Variants in ZDHHC16 observed in about 807,000 individuals in gnomAD.
The protein encoded by ZDHHC16 is palmitoyltransferase ZDHHC16.
In ZDHHC16, 33 loss-of-function variants were observed where a neutral mutation model predicts 54.4. The ratio of observed to expected loss-of-function variants is 0.61; its 90% confidence interval spans 0.46 to 0.81. The LOEUF (loss-of-function observed/expected upper bound fraction) is 0.81. Among genes scored for constraint, ZDHHC16 ranks in the 30% least tolerant of loss-of-function variants. The probability of loss-of-function intolerance (pLI) is 0.00; values close to 1 mark genes in which losing one functional copy is unlikely to be tolerated. For missense variants in ZDHHC16, 420 were observed against 485.9 expected (o/e 0.86, Z 1.28); for synonymous variants, 185 against 182.1 (o/e 1.02, Z -0.13).
chr10:97,451,595 G>A lies in ZDHHC16; in HGVS notation c.-5-76G>A. ...TCTTAGGTCTTTGCCCTCCAAGTGA[G>A]TACTCTAGGCCTTCCCACTAGCGGG... is the stretch of plus-strand genomic sequence containing the variant. On this transcript the variant is annotated intron_variant, in intron 2 of 11. Transcript: ENST00000393760. 3.9e-6 allele frequency: 6 copies of A among 1,525,416 alleles called. No homozygotes were observed. In the South Asian group the frequency reaches 3.9e-5, roughly 10 times the overall value. The allele number at this position is 1,525,416 out of a possible 1,614,324, so 94.5% of individuals were successfully genotyped here. A position where few individuals can be genotyped will look rare whatever the true frequency, so the allele number is the denominator to read the frequency against.
chr10:97,449,919 C>T lies in ZDHHC16; in HGVS notation c.-185-438C>T, dbSNP rs1316076113. 1.1e-4 allele frequency among the ~76,000 whole-genome samples: 14 copies of T among 124,922 alleles called. No individual in the cohort carries two copies. The East Asian group carries it at 1.1e-3, about 10-fold the overall frequency. The allele number at this position is 124,922 out of a possible 152,430, so 82.0% of individuals were successfully genotyped here. A position where few individuals can be genotyped will look rare whatever the true frequency, so the allele number is the denominator to read the frequency against. ...TCGCTCTGTCGCCCAGGCCGGACTG[C>T]GGACTGCAGTGGCGCAATCTCGGCT... On this transcript the variant is annotated intron_variant, in intron 1 of 11. Coordinates refer to ENST00000393760, the MANE Select transcript of ZDHHC16 (RefSeq NM_198046.3).
At chr10:97,455,122 G>C (rs1019172081) in intron 9 of ZDHHC16, among the ~76,000 whole-genome samples, 17 of 152,288 alleles carry the variant, frequency 1.1e-4, no homozygotes, top group Admixed American at 2.6e-4. Context: ...GGGGGCCAAG[G>C]GGCAGTGAAG....
intron 11 of ZDHHC16, chr10:97,456,550 C>T: frequency 2.4e-6 from 1 of 423,482 alleles, no homozygotes; most frequent in Non-Finnish European, 4.3e-6. Flanking sequence ...TATCACTGTG[C>T]TTACAGTGGA....
chr10:97,446,205 G>T lies in ZDHHC16; in HGVS notation c.-334G>T, dbSNP rs1845998421. The T allele has an allele frequency of 1.5e-6, 1 of 664,668 alleles. No individual in the cohort carries two copies. The highest frequency in any genetic ancestry group is 2.8e-5 in the East Asian group (1 of 36,266). The allele number at this position is 664,668 out of a possible 1,614,324, so 41.2% of individuals were successfully genotyped here. A position where few individuals can be genotyped will look rare whatever the true frequency, so the allele number is the denominator to read the frequency against. ...TGAGGATGGGCTGGCGGCGGGTCCG[G>T]GTCCGCTGCCTGGCGCTGCGGGCGG... On this transcript the variant is annotated 5_prime_UTR_variant, in exon 1 of 12. Coordinates refer to ENST00000393760, the MANE Select transcript of ZDHHC16 (RefSeq NM_198046.3).
intron 6 of ZDHHC16, 129 bp downstream of exon 6, chr10:97,453,052 T>C: frequency 1.7e-6 from 2 of 1,206,024 alleles, no homozygotes; most frequent in Non-Finnish European, 2.4e-6. Context: ...GGCCTGACCA[T>C]CTCCTGGGAG....
In ZDHHC16 at chr10:97,453,596, CTCTGGGCTGTG is replaced by C; in HGVS notation, c.627_637del (p.Gly210LeufsTer17). The C allele has an allele frequency of 6.2e-7, 1 of 1,614,208 alleles. No individual in the cohort carries two copies. The highest frequency in any genetic ancestry group is 8.5e-7 in the Non-Finnish European group (1 of 1,180,052). ...TTCTTCTCTTTCTGCTTTTTCATGA[CTCTGGGCTGTG>C]TCTACTGCAGCTATGGAAGTTGGGA... On this transcript the variant is annotated frameshift_variant, in exon 7 of 12. Coordinates refer to ENST00000393760, the MANE Select transcript of ZDHHC16 (RefSeq NM_198046.3). LOFTEE classifies it high-confidence loss of function.
rs753704234 is a variant in ZDHHC16 at position 97,456,048 on chromosome 10, A to AT, written c.1019+5dup. ...TCCTGGGTGTGGATACAGGAAGGTA[A>AT]TGTAAGACACACAGACTAATGCTGT... On this transcript the variant is annotated splice_donor_region_variant and intron_variant, in intron 11 of 11. Transcript: ENST00000393760. 3 of 1,613,916 alleles carry AT rather than the reference A, an allele frequency of 1.9e-6. No homozygotes were observed. In the African/African-American group the frequency reaches 4.0e-5, roughly 22 times the overall value.
chr10:97,446,901 T>C (rs1000058773), intron 1 of ZDHHC16, among the ~76,000 whole-genome samples: 4 of 152,218 alleles, frequency 2.6e-5, no homozygotes, highest in South Asian at 4.1e-4. Context: ...GTAGTTTTAG[T>C]AGTGACGGGG....
At chr10:97,448,895 G>T (rs569216310) in intron 1 of ZDHHC16, among the ~76,000 whole-genome samples, 17 of 152,290 alleles carry the variant, frequency 1.1e-4, no homozygotes, top group Non-Finnish European at 1.9e-4. Flanking sequence ...TATCAGATTT[G>T]AGCATCCATG....
Position 97,452,215 on chromosome 10 carries a change from C to T in ZDHHC16, c.369C>T (p.His123=). The change falls in exon 4 of 12, where the codon CAC becomes CAT. Residue 123 remains histidine (H), a synonymous_variant. Transcript: ENST00000393760. ...PRLCWHFFYS[H]WNLILIVFHY... is the part of the protein sequence containing the mutation. Reference sequence around the variant, plus strand: ...TCTGCTGGCATTTCTTCTATAGCCACTGGAATCTGATCCTGATTGTCTTCC... The same window carrying T: ...TCTGCTGGCATTTCTTCTATAGCCATTGGAATCTGATCCTGATTGTCTTCC... 1.2e-6 allele frequency: 2 copies of T among 1,614,172 alleles called. No homozygotes were observed. Among genetic ancestry groups the T allele is most frequent in the Non-Finnish European group, 1.7e-6 (2 of 1,180,034 alleles).
intron 5 of ZDHHC16, 126 bp from the exon 6 acceptor site, chr10:97,452,769 C>A: frequency 7.6e-7 from 1 of 1,312,846 alleles, no homozygotes; most frequent in Non-Finnish European, 1.1e-6. Flanking sequence ...TGAAGCAAGG[C>A]CTGGCTGTCT....
chr10:97,452,973 A>G, intron 6 of ZDHHC16, 50 bp downstream of exon 6: 1 of 1,612,980 alleles, frequency 6.2e-7, no homozygotes, highest in Non-Finnish European at 8.5e-7. Flanking sequence ...GCTCCAGAGC[A>G]CTGTACAGGG....
rs144980955 is a variant in ZDHHC16 at position 97,456,866 on chromosome 10, A to G, written c.1109A>G (p.His370Arg). The G allele has an allele frequency of 2.5e-6, 4 of 1,612,474 alleles. No homozygotes were observed. Among genetic ancestry groups the G allele is most frequent in the Non-Finnish European group, 3.4e-6 (4 of 1,179,372 alleles). ...SWEPPPWVTA[H>R]SASVMAV ...GAGCCCCCTCCCTGGGTGACTGCTC[A>G]CTCAGCCTCTGTGATGGCAGTGTGA... Residue 370 changes from histidine (H) to arginine (R), a missense_variant, in exon 12 of 12, where the codon CAC becomes CGC. Transcript: ENST00000393760.
Position 97,452,814 on chromosome 10 carries a change from C to T in ZDHHC16, c.528-81C>T. ...GTGCCCTTTCCACCTCAGCAGGATG[C>T]TGGTCCTTGTAGGGAAGGATTGGCA... On this transcript the variant is annotated intron_variant, in intron 5 of 11. Transcript: ENST00000393760. 1.9e-6 allele frequency: 3 copies of T among 1,587,890 alleles called. No homozygotes were observed. The East Asian group carries it at 6.7e-5, about 36-fold the overall frequency.
rs35173837 is a variant in ZDHHC16 at position 97,449,861 on chromosome 10, C to CTTTTT, written c.-185-479_-185-475dup. 2.4e-3 allele frequency among the ~76,000 whole-genome samples: 197 copies of CTTTTT among 81,520 alleles called. 10 individuals are homozygous for CTTTTT. The highest frequency in any genetic ancestry group is 5.6e-3 in the African/African-American group (95 of 17,028). The allele number at this position is 81,520 out of a possible 152,430, so 53.5% of individuals were successfully genotyped here. Reference sequence around the variant, plus strand: ...TCTCTTTTCTACACTCCCCTTAATTCTTTTTTTTTTTTTTTTTTTTTGAGA... The same window carrying CTTTTT: ...TCTCTTTTCTACACTCCCCTTAATTCTTTTTTTTTTTTTTTTTTTTTTTTTTGAGA... On this transcript the variant is annotated intron_variant, in intron 1 of 11. Transcript: ENST00000393760.
rs1238999967 is a variant in ZDHHC16, at chr10:97,455,962, TC to T, written c.949-11del. 1 of 1,613,864 alleles carries T rather than the reference TC, an allele frequency of 6.2e-7. No individual in the cohort carries two copies. Among genetic ancestry groups the T allele is most frequent in the South Asian group, 1.1e-5 (1 of 91,028 alleles). The stretch of plus-strand genomic sequence containing the variant: ...TTAGAAGTTCAAAGAAACATGTTTT[TC>T]TTGGCTCCAGGTATTTAGGAATCCT... On this transcript the variant is annotated splice_polypyrimidine_tract_variant and intron_variant, in intron 10 of 11. Transcript: ENST00000393760.
At chr10:97,454,328 T>G (rs1846961003) in intron 8 of ZDHHC16, among the ~76,000 whole-genome samples, 1 of 152,234 alleles carries the variant, frequency 6.6e-6, no homozygotes, top group South Asian at 2.1e-4. Flanking sequence ...TCACAGTCCC[T>G]AGTGGTTTTC....
intron 6 of ZDHHC16, 104 bp downstream of exon 6, chr10:97,453,027 GT>G: frequency 6.8e-7 from 1 of 1,470,282 alleles, no homozygotes; most frequent in Non-Finnish European, 9.5e-7. Context: ...GAACACTGGA[GT>G]TGAGGAGTTG....
At chr10:97,453,911 T>C (rs1846904985) in intron 8 of ZDHHC16, 65 bp downstream of exon 8, 1 of 1,607,794 alleles carries the variant, frequency 6.2e-7, no homozygotes, top group Non-Finnish European at 8.5e-7. Context: ...TGCTAAGGCA[T>C]CTGGGGCCGA....
Sources: gnomAD v4.1 joint callset for allele counts (sites outside exome capture counted in the v4.1 genomes callset) on GRCh38, gnomAD v4.1.1 for gene constraint, MANE v1.5 for transcripts, NCBI Gene and HGNC (gene_info 2026-07-23, HGNC 2026-07-21) for gene names.